Variants in TEK observed in about 807,000 individuals in gnomAD.
The protein encoded by TEK is angiopoietin-1 receptor.
A neutral mutation model predicts 131.8 loss-of-function variants in TEK; 43 were observed. The ratio of observed to expected loss-of-function variants is 0.33; its 90% CI spans 0.26 to 0.42. The LOEUF is 0.42. Ranked by LOEUF, TEK falls within the 10% of genes least tolerant of loss-of-function variation. The pLI is 1.00. For synonymous variants in TEK, 580 were observed against 491.6 expected, an observed-to-expected ratio of 1.18 and a Z score of -2.38; for missense variants, 1,162 against 1,384.4, an observed-to-expected ratio of 0.84 and a Z score of 2.55.
intron 21 of TEK, among the ~76,000 whole-genome samples, chr9:27,221,281 AT>A (rs1826066578): frequency 6.6e-6 from 1 of 152,232 alleles, no homozygotes; most frequent in East Asian, 1.9e-4. Context: ...CCAGGGGCTT[AT>A]AGATAAAACT....
chr9:27,153,294 A>T (rs908115048), intron 1 of TEK, among the ~76,000 whole-genome samples: 6 of 151,952 alleles, frequency 3.9e-5, no homozygotes, highest in Admixed American at 6.6e-5. Flanking sequence ...TAAAAATAGA[A>T]AAAAAATTAG....
intron 12 of TEK, among the ~76,000 whole-genome samples, chr9:27,202,484 C>A (rs1923332): frequency 0.46 from 69,316 of 152,072 alleles, 16,289 homozygotes; most frequent in Non-Finnish European, 0.49. Context: ...TCAATGCCTG[C>A]CATATTGTAA....
chr9:27,229,347 T>C lies in TEK; in HGVS notation c.*115T>C, dbSNP rs1020796481. The C allele has an allele frequency of 9.9e-7, 1 of 1,014,484 alleles. No homozygotes were observed. The highest frequency in any genetic ancestry group is 1.6e-6 in the Non-Finnish European group (1 of 642,816). 62.8% of individuals were successfully genotyped at this position (1,014,484 alleles called of 1,614,324 possible). A position where few individuals can be genotyped will look rare whatever the true frequency, so the allele number is the denominator to read the frequency against. ...GTGATATATAAGTGTACATATGTGC[T>C]GTACACCTGGGACCTTCACCACTGT... On this transcript the variant is annotated 3_prime_UTR_variant, in exon 23 of 23. Coordinates refer to ENST00000380036, the MANE Select transcript of TEK (RefSeq NM_000459.5).
At chr9:27,220,197 T>C (rs1406724318) in intron 21 of TEK, 52 bp downstream of exon 21, 1 of 1,574,366 alleles carries the variant, frequency 6.4e-7, no homozygotes. Flanking sequence ...CCCCTGTGTG[T>C]TTCTGGGGCC....
At chr9:27,124,725 G>GT (rs996948246) in intron 1 of TEK, among the ~76,000 whole-genome samples, 3 of 151,986 alleles carry the variant, frequency 2.0e-5, no homozygotes, top group African/African-American at 4.8e-5. Flanking sequence ...TACCTCATGG[G>GT]TTTTTTTTGG....
chr9:27,228,165 C>T (rs1367831463), intron 21 of TEK, 41 bp from the exon 22 acceptor site: 2 of 1,534,668 alleles, frequency 1.3e-6, no homozygotes, highest in Non-Finnish European at 1.8e-6. Context: ...AGGACTGAAG[C>T]ACAGTTATAG....
At chr9:27,195,594 T>G in intron 11 of TEK, 1 of 455,442 alleles carries the variant, frequency 2.2e-6, no homozygotes, top group Non-Finnish European at 4.4e-6. Context: ...ATCCTACGTT[T>G]TGGAAGGACT....
At chr9:27,191,969 A>G in intron 10 of TEK, 1 of 455,782 alleles carries the variant, frequency 2.2e-6, no homozygotes, top group South Asian at 1.6e-5. Flanking sequence ...CAAATAGGTA[A>G]GGAGAAAAGA....
At chr9:27,213,447 T>G in intron 17 of TEK, 37 bp from the exon 18 acceptor site, 1 of 1,523,794 alleles carries the variant, frequency 6.6e-7, no homozygotes, top group Non-Finnish European at 9.1e-7. Context: ...GGGGCTTTCA[T>G]TAGGCTGAAA....
intron 4 of TEK, among the ~76,000 whole-genome samples, chr9:27,170,466 A>C (rs896589115): frequency 3.9e-5 from 6 of 152,166 alleles, no homozygotes; most frequent in Non-Finnish European, 8.8e-5. Flanking sequence ...CTCTACAAAA[A>C]ATACAAAAAT....
At chr9:27,173,600 C>T (rs1341236847) in intron 6 of TEK, among the ~76,000 whole-genome samples, 2 of 152,064 alleles carry the variant, frequency 1.3e-5, no homozygotes, top group East Asian at 1.9e-4. Flanking sequence ...TACTAAAGCA[C>T]GGATTCTGAT....
chr9:27,109,675 A>G (rs1214952959), intron 1 of TEK, 33 bp downstream of exon 1: 4 of 1,610,068 alleles, frequency 2.5e-6, no homozygotes, highest in Non-Finnish European at 2.5e-6. Flanking sequence ...TTAATTTAGT[A>G]TTTTAAAAAA....
At chr9:27,226,960 A>G (rs1191956425) in intron 21 of TEK, among the ~76,000 whole-genome samples, 2 of 151,986 alleles carry the variant, frequency 1.3e-5, no homozygotes, top group Non-Finnish European at 2.9e-5. Flanking sequence ...TGTTAATCTC[A>G]CTGGAGCAAG....
intron 9 of TEK, among the ~76,000 whole-genome samples, chr9:27,187,352 C>A (rs777684719): frequency 2.6e-5 from 4 of 152,168 alleles, no homozygotes; most frequent in Non-Finnish European, 5.9e-5. Flanking sequence ...GCTTTAACAC[C>A]AGTGTACAGA....
At chr9:27,137,925 G>C (rs1005075797) in intron 1 of TEK, among the ~76,000 whole-genome samples, 2 of 152,140 alleles carry the variant, frequency 1.3e-5, no homozygotes, top group Non-Finnish European at 1.5e-5. Flanking sequence ...TAAAGATGGT[G>C]TGTCCAGAGT....
At chr9:27,114,571 A>G (rs1821475937) in intron 1 of TEK, among the ~76,000 whole-genome samples, 1 of 150,772 alleles carries the variant, frequency 6.6e-6, no homozygotes, top group South Asian at 2.1e-4. Flanking sequence ...ACTCCGTCTC[A>G]AAAAAAAATA....
chr9:27,192,658 TGGGTGGGAGG>T, intron 11 of TEK, 35 bp downstream of exon 11: 1 of 1,243,008 alleles, frequency 8.0e-7, no homozygotes, highest in Non-Finnish European at 1.0e-6. Flanking sequence ...ATTCATGAGC[TGGGTGGGAGG>T]GGGAGGAAGG....
chr9:27,110,133 A>G (rs1470726914), intron 1 of TEK, among the ~76,000 whole-genome samples: 1 of 150,536 alleles, frequency 6.6e-6, no homozygotes, highest in African/African-American at 2.4e-5. Flanking sequence ...AAGATTTTAT[A>G]TCTACATCCT....
chr9:27,172,190 C>T (rs1298982950), intron 4 of TEK, among the ~76,000 whole-genome samples: 1 of 152,188 alleles, frequency 6.6e-6, no homozygotes, highest in African/African-American at 2.4e-5. Context: ...GGGGATGCTA[C>T]TGGTCAGAGA....
Sources: gnomAD v4.1 joint callset for allele counts (sites outside exome capture counted in the v4.1 genomes callset) on GRCh38, gnomAD v4.1.1 for gene constraint, MANE v1.5 for transcripts, NCBI Gene and HGNC (gene_info 2026-07-23, HGNC 2026-07-21) for gene names.